Variants in GSTCD observed in about 807,000 individuals in gnomAD.
The protein encoded by GSTCD is glutathione S-transferase C-terminal domain-containing protein.
Under a neutral mutation model 68.3 loss-of-function variants are expected in GSTCD, and 44 were observed. That is an observed-to-expected ratio of 0.64 (90% CI 0.51 to 0.83). GSTCD has a LOEUF of 0.83. GSTCD is among the 40% of genes least tolerant of loss of function. The pLI, the probability that GSTCD is intolerant of heterozygous loss-of-function variation, is 0.00. For synonymous variants in GSTCD, 273 were observed against 255.2 expected (o/e 1.07, Z -0.67); for missense variants, 739 against 735.9 (o/e 1.00, Z -0.05).
At chr4:105,782,685 C>T (rs185046271) in intron 5 of GSTCD, among the ~76,000 whole-genome samples, 23 of 152,004 alleles carry the variant, frequency 1.5e-4, no homozygotes, top group South Asian at 6.2e-4. Flanking sequence ...TGGGTTCAAA[C>T]GATTCTCATG....
intron 5 of GSTCD, among the ~76,000 whole-genome samples, chr4:105,818,881 G>T (rs1223951068): frequency 6.6e-6 from 1 of 151,636 alleles, no homozygotes; most frequent in African/African-American, 2.4e-5. Flanking sequence ...TCACTTAATG[G>T]CAGAGAGCAT....
In GSTCD at chr4:105,716,533, C is replaced by T. The variant is rs371474251; in HGVS notation, c.-21-1060C>T. ...CAGCATTACTGCCTGAATGGCGCCT[C>T]CTGTCAGATCAGCAGCGGCATCAGA... On this transcript the variant is annotated intron_variant, in intron 1 of 11. Transcript: ENST00000515279. Among the ~76,000 whole-genome samples, 4 of 152,274 alleles carry T rather than the reference C, an allele frequency of 2.6e-5. No individual in the cohort carries two copies. The East Asian group carries it at 7.7e-4, about 29-fold the overall frequency.
chr4:105,838,801 A>G (rs1170909891), intron 10 of GSTCD, among the ~76,000 whole-genome samples: 1 of 152,260 alleles, frequency 6.6e-6, no homozygotes, highest in Non-Finnish European at 1.5e-5. Flanking sequence ...AATATTTGAG[A>G]AAAATATATA....
At chr4:105,833,794 C>T (rs1046512357) in intron 8 of GSTCD, among the ~76,000 whole-genome samples, 2 of 151,940 alleles carry the variant, frequency 1.3e-5, no homozygotes, top group African/African-American at 2.4e-5. Context: ...ACTTAAAAAT[C>T]GTTTTGAGTT....
chr4:105,836,752 C>G (rs560322430), intron 9 of GSTCD, among the ~76,000 whole-genome samples: 60 of 152,334 alleles, frequency 3.9e-4, no homozygotes, highest in African/African-American at 1.4e-3. Flanking sequence ...CTACCACTTC[C>G]TGTCTTTTTC....
chr4:105,802,786 T>C (rs1286446832), intron 5 of GSTCD, among the ~76,000 whole-genome samples: 1 of 152,146 alleles, frequency 6.6e-6, no homozygotes, highest in East Asian at 1.9e-4. Context: ...ACATTTATAA[T>C]GTGGCGTTTG....
At chr4:105,807,740 G>A (rs1722577597) in intron 5 of GSTCD, among the ~76,000 whole-genome samples, 1 of 152,014 alleles carries the variant, frequency 6.6e-6, no homozygotes, top group East Asian at 1.9e-4. Context: ...TTGACACATT[G>A]TTTGTGATAT....
intron 5 of GSTCD, among the ~76,000 whole-genome samples, chr4:105,735,225 GTCTGCAGAGGTT>G (rs1335456262): frequency 6.6e-6 from 1 of 152,186 alleles, no homozygotes; most frequent in Non-Finnish European, 1.5e-5. Context: ...GGACATTTAA[GTCTGCAGAGGTT>G]TCTGCAGAGG....
chr4:105,740,763 A>G (rs1243168952), intron 5 of GSTCD, among the ~76,000 whole-genome samples: 1 of 151,734 alleles, frequency 6.6e-6, no homozygotes, highest in African/African-American at 2.4e-5. Flanking sequence ...TTTTGTTCCA[A>G]CTCTCCAACA....
chr4:105,715,429 T>G (rs1156400748), intron 1 of GSTCD, among the ~76,000 whole-genome samples: 1 of 152,164 alleles, frequency 6.6e-6, no homozygotes, highest in Non-Finnish European at 1.5e-5. Flanking sequence ...AAAAAGTTGT[T>G]GCTTTTACAG....
In GSTCD at chr4:105,846,414, T is replaced by C. The variant is rs1279887572; in HGVS notation, c.*837T>C. The C allele has an allele frequency of 6.6e-6, 1 of 152,128 alleles. No individual in the cohort carries two copies. The highest frequency in any genetic ancestry group is 1.5e-5 in the Non-Finnish European group (1 of 68,030). 9.4% of individuals were successfully genotyped at this position (152,128 alleles called of 1,614,324 possible). A position where few individuals can be genotyped will look rare whatever the true frequency, so the allele number is the denominator to read the frequency against. ...AATAAATTTCCCATAAATTACCAAA[T>C]GAGATTGTCACTGGTTCAAATTATT... On this transcript the variant is annotated 3_prime_UTR_variant, in exon 12 of 12. Coordinates refer to ENST00000515279, the MANE Select transcript of GSTCD (RefSeq NM_001370181.1).
chr4:105,718,541 T>G (rs1435438136), intron 2 of GSTCD, among the ~76,000 whole-genome samples: 1 of 152,226 alleles, frequency 6.6e-6, no homozygotes, highest in Non-Finnish European at 1.5e-5. Context: ...ACCTCTTTCC[T>G]TTATAAATTA....
intron 5 of GSTCD, among the ~76,000 whole-genome samples, chr4:105,752,490 A>G (rs1026943814): frequency 1.3e-5 from 2 of 152,122 alleles, no homozygotes; most frequent in Non-Finnish European, 2.9e-5. Context: ...ACAAAATGCA[A>G]TTATTTGATG....
At chr4:105,737,659 T>C (rs530950615) in intron 5 of GSTCD, among the ~76,000 whole-genome samples, 1 of 152,342 alleles carries the variant, frequency 6.6e-6, no homozygotes, top group East Asian at 1.9e-4. Flanking sequence ...TTTTGGTGTA[T>C]GATGAAAGAT....
At chr4:105,716,194 T>C (rs749169477) in intron 1 of GSTCD, among the ~76,000 whole-genome samples, 2 of 152,242 alleles carry the variant, frequency 1.3e-5, no homozygotes, top group African/African-American at 2.4e-5. Flanking sequence ...TATATCACCA[T>C]AGCAATAAGC....
At chr4:105,841,928 A>C (rs12331437) in intron 10 of GSTCD, 137 bp from the exon 11 acceptor site, 10,845 of 633,368 alleles carry the variant, frequency 0.017, 720 homozygotes, top group African/African-American at 0.15. Context: ...TTTTTCAAAA[A>C]TACTATTTGT....
intron 1 of GSTCD, among the ~76,000 whole-genome samples, chr4:105,714,658 TCATTAAGTAA>T (rs1732633218): frequency 6.6e-6 from 1 of 151,638 alleles, no homozygotes; most frequent in African/African-American, 2.4e-5. Flanking sequence ...TATTCTAAGA[TCATTAAGTAA>T]CATTTTTAAT....
chr4:105,792,537 A>T (rs1430553650), intron 5 of GSTCD, among the ~76,000 whole-genome samples: 2 of 152,092 alleles, frequency 1.3e-5, no homozygotes, highest in Admixed American at 1.3e-4. Flanking sequence ...TTAAGAAATC[A>T]GAATCCGGGC....
chr4:105,771,164 AT>A (rs1261788443), intron 5 of GSTCD, among the ~76,000 whole-genome samples: 1 of 151,766 alleles, frequency 6.6e-6, no homozygotes. Context: ...GGCCACATAA[AT>A]GTCTTCTTTT....
Sources: allele counts gnomAD v4.1 joint callset (sites outside exome capture counted in the v4.1 genomes callset), GRCh38; gene constraint gnomAD v4.1.1; transcripts MANE v1.5; gene names NCBI Gene and HGNC (gene_info 2026-07-23, HGNC 2026-07-21).